Variants in CNTNAP2 observed in about 807,000 individuals in gnomAD.
CNTNAP2 encodes the protein contactin-associated protein-like 2.
CNTNAP2 carries 98 observed loss-of-function variants against 155.2 expected under a neutral mutation model. That is an observed-to-expected ratio of 0.63 (90% CI 0.54 to 0.75). The LOEUF is 0.75. Ranked by LOEUF, CNTNAP2 falls within the 30% of genes least tolerant of loss-of-function variation. The pLI, the probability that CNTNAP2 is intolerant of heterozygous loss-of-function variation, is 0.00. For synonymous variants in CNTNAP2, 651 were observed against 631.2 expected (o/e 1.03, Z -0.47); for missense variants, 1,727 against 1,688.1 (o/e 1.02, Z -0.40).
chr7:147,853,142 G>A (rs1798978909), intron 13 of CNTNAP2, among the ~76,000 whole-genome samples: 1 of 152,146 alleles, frequency 6.6e-6, no homozygotes. Context: ...ATTTTCTGAA[G>A]TATCTAAGTA....
At chr7:146,841,968 C>T (rs1168985099) in intron 3 of CNTNAP2, among the ~76,000 whole-genome samples, 1 of 151,788 alleles carries the variant, frequency 6.6e-6, no homozygotes, top group South Asian at 2.1e-4. Context: ...CTGCAACCTC[C>T]GCCTCCTGGA....
At chr7:146,812,460 A>ATT (rs1200858745) in intron 2 of CNTNAP2, among the ~76,000 whole-genome samples, 45 of 147,712 alleles carry the variant, frequency 3.0e-4, no homozygotes, top group Non-Finnish European at 2.4e-4. Context: ...ATATATATAT[A>ATT]TATTTATACT....
At chr7:146,371,612 A>T (rs996592519) in intron 1 of CNTNAP2, among the ~76,000 whole-genome samples, 24 of 151,520 alleles carry the variant, frequency 1.6e-4, no homozygotes, top group Non-Finnish European at 2.4e-4. Context: ...TGATCCGCCC[A>T]CCTCGGCCTC....
chr7:147,692,096 T>C (rs1279756586), intron 13 of CNTNAP2, among the ~76,000 whole-genome samples: 6 of 152,150 alleles, frequency 3.9e-5, no homozygotes, highest in African/African-American at 1.4e-4. Flanking sequence ...GAATGTCATA[T>C]AGTCTGAATC....
rs561975118 is a variant in CNTNAP2 at position 146,997,073 on chromosome 7, CT to C, written c.403-46831del. 3.2e-3 allele frequency among the ~76,000 whole-genome samples: 494 copies of C among 152,150 alleles called. 8 individuals carry two copies. Among genetic ancestry groups the C allele is most frequent in the African/African-American group, 0.011 (464 of 41,532 alleles). ...CTCTGAGTCCATTAAACCTCTTTTT[CT>C]TTATAAATTATCCAGTCTCAGGTAT... On this transcript the variant is annotated intron_variant, in intron 3 of 23. Coordinates refer to ENST00000361727, the MANE Select transcript of CNTNAP2 (RefSeq NM_014141.6).
At chr7:148,015,086 G>A (rs1475521915) in intron 15 of CNTNAP2, among the ~76,000 whole-genome samples, 4 of 152,088 alleles carry the variant, frequency 2.6e-5, no homozygotes, top group Admixed American at 2.6e-4. Flanking sequence ...TTTCCTGAGG[G>A]TAAACACTTT....
At chr7:148,134,453 C>T (rs1804896086) in intron 16 of CNTNAP2, among the ~76,000 whole-genome samples, 1 of 152,008 alleles carries the variant, frequency 6.6e-6, no homozygotes, top group Non-Finnish European at 1.5e-5. Context: ...ATAGCATGCC[C>T]TTGTTTTTAG....
intron 1 of CNTNAP2, among the ~76,000 whole-genome samples, chr7:146,664,683 C>T (rs1289265098): frequency 2.6e-5 from 4 of 151,948 alleles, no homozygotes; most frequent in Non-Finnish European, 5.9e-5. Context: ...AATTCTTTTT[C>T]TTTATTGTTA....
chr7:146,601,783 A>G (rs1003601013), intron 1 of CNTNAP2, among the ~76,000 whole-genome samples: 17 of 152,104 alleles, frequency 1.1e-4, no homozygotes, highest in African/African-American at 4.1e-4. Flanking sequence ...GCAAATACAT[A>G]GGAAAAATTA....
chr7:146,558,784 C>A (rs372258867), intron 1 of CNTNAP2, among the ~76,000 whole-genome samples: 2 of 152,196 alleles, frequency 1.3e-5, no homozygotes, highest in South Asian at 4.1e-4. Flanking sequence ...CCACCCCTGG[C>A]AACTACCATT....
At chr7:146,150,651 T>C (rs1238623926) in intron 1 of CNTNAP2, among the ~76,000 whole-genome samples, 2 of 152,078 alleles carry the variant, frequency 1.3e-5, no homozygotes. Flanking sequence ...ATTTTGATTC[T>C]ATAATTCCTT....
chr7:147,995,768 C>T (rs1029873247), intron 15 of CNTNAP2, among the ~76,000 whole-genome samples: 8 of 152,254 alleles, frequency 5.3e-5, no homozygotes, highest in Middle Eastern at 3.4e-3. Context: ...CCACCTCGGC[C>T]TCCCAAAGTG....
At chr7:146,947,554 T>A (rs376498095) in intron 3 of CNTNAP2, among the ~76,000 whole-genome samples, 5 of 37,908 alleles carry the variant, frequency 1.3e-4, no homozygotes, top group African/African-American at 3.8e-4. Context: ...TGTGTGTGTG[T>A]GTGTATATAT....
At chr7:146,922,852 T>A (rs1796532524) in intron 3 of CNTNAP2, among the ~76,000 whole-genome samples, 1 of 152,200 alleles carries the variant, frequency 6.6e-6, no homozygotes, top group African/African-American at 2.4e-5. Context: ...AGATAACTCA[T>A]TAAAATATAT....
intron 1 of CNTNAP2, among the ~76,000 whole-genome samples, chr7:146,627,585 G>A (rs940392019): frequency 4.6e-5 from 7 of 152,048 alleles, no homozygotes; most frequent in African/African-American, 1.4e-4. Flanking sequence ...GGAAATGGAC[G>A]TAGGTACTAT....
rs559068091 is a variant in CNTNAP2 at position 148,326,662 on chromosome 7, C to T, written c.3476-56987C>T. 2.0e-5 allele frequency among the ~76,000 whole-genome samples: 3 copies of T among 151,968 alleles called. No homozygotes were observed. The East Asian group carries it at 5.8e-4, about 29-fold the overall frequency. On this transcript the variant is annotated intron_variant, in intron 21 of 23. Transcript: ENST00000361727. ...CGGGCGGATCATGAGGTCAGGAGAT[C>T]GAGACCATCTTGGCCAACACGGTGA...
intron 4 of CNTNAP2, among the ~76,000 whole-genome samples, chr7:147,063,121 A>G (rs567197538): frequency 6.6e-6 from 1 of 152,286 alleles, no homozygotes; most frequent in South Asian, 2.1e-4. Flanking sequence ...GCTCCTCCTG[A>G]GACTTCCCCA....
At chr7:146,985,308 A>AATT (rs1183369135) in intron 3 of CNTNAP2, among the ~76,000 whole-genome samples, 1 of 127,826 alleles carries the variant, frequency 7.8e-6, no homozygotes, top group African/African-American at 3.1e-5. Context: ...AAATGCTTGA[A>AATT]TTTTTTTTTT....
intron 2 of CNTNAP2, among the ~76,000 whole-genome samples, chr7:146,828,853 A>T (rs1803457234): frequency 6.6e-6 from 1 of 152,056 alleles, no homozygotes; most frequent in African/African-American, 2.4e-5. Flanking sequence ...AATAATGTAA[A>T]ATAAGGGTAT....
Sources: allele counts gnomAD v4.1 joint callset (sites outside exome capture counted in the v4.1 genomes callset), GRCh38; gene constraint gnomAD v4.1.1; transcripts MANE v1.5; gene names NCBI Gene and HGNC (gene_info 2026-07-23, HGNC 2026-07-21).